WIPF3: variants seen among roughly 807,000 people sequenced by gnomAD.
WIPF3 encodes the protein WAS/WASL-interacting protein family member 3.
A neutral mutation model predicts 38.9 loss-of-function variants in WIPF3; 33 were observed. That is an observed-to-expected ratio of 0.85 (90% CI 0.64 to 1.14). WIPF3 has a LOEUF of 1.14. Among genes scored for constraint, WIPF3 ranks in the 50% most tolerant of loss-of-function variants. The pLI, the probability that WIPF3 is intolerant of heterozygous loss-of-function variation, is 0.00. For synonymous variants in WIPF3, 324 were observed against 269.3 expected, an observed-to-expected ratio of 1.20 and a Z score of -1.99; for missense variants, 711 against 652.5, an observed-to-expected ratio of 1.09 and a Z score of -0.98.
At chr7:29,903,166 C>T (rs937332433) in intron 7 of WIPF3, among the ~76,000 whole-genome samples, 3 of 152,028 alleles carry the variant, frequency 2.0e-5, no homozygotes, top group African/African-American at 7.3e-5. Context: ...TGGTGATGCA[C>T]ACCTGTGATC....
chr7:29,884,381 T>G lies in WIPF3; in HGVS notation c.887T>G (p.Leu296Arg). The change falls in exon 5 of 9, where the codon CTC becomes CGC. Residue 296 changes from leucine to arginine, a missense_variant. By Grantham distance (102) the Leu-to-Arg change is moderately radical. Transcript: ENST00000242140. ...GAGCCTCCCGCCCCGCCGCCCCCGC[T>G]CCCCCCTTATGCTTCTTGCTCCCCG... Reference protein sequence around the residue: ...AQEPPAPPPPLPPYASCSPRA... With the variant: ...AQEPPAPPPPRPPYASCSPRA... 4.2e-4 allele frequency: 160 copies of G among 381,620 alleles called. No individual in the cohort carries two copies. The highest frequency in any genetic ancestry group is 6.4e-4 in the African/African-American group (5 of 7,832). The allele number at this position is 381,620 out of a possible 1,614,324, so 23.6% of individuals were successfully genotyped here.
intron 8 of WIPF3, chr7:29,905,066 C>T (rs1786366135): frequency 6.6e-6 from 1 of 152,194 alleles, no homozygotes; most frequent in Admixed American, 6.5e-5. Flanking sequence ...ACTACAGAGT[C>T]ACTTGCAGTT....
At chr7:29,841,314 AC>A (rs1294082733) in intron 2 of WIPF3, among the ~76,000 whole-genome samples, 5 of 152,066 alleles carry the variant, frequency 3.3e-5, no homozygotes, top group Admixed American at 2.0e-4. Flanking sequence ...CTCTCCCCTC[AC>A]CCCTTCTTGC....
chr7:29,827,626 G>C (rs2128064064), intron 1 of WIPF3, among the ~76,000 whole-genome samples: 1 of 152,120 alleles, frequency 6.6e-6, no homozygotes, highest in African/African-American at 2.4e-5. Flanking sequence ...GGGTTTATTA[G>C]CCTTCATTGG....
At chr7:29,913,613 A>G (rs1288017414) in intron 8 of WIPF3, among the ~76,000 whole-genome samples, 2 of 152,274 alleles carry the variant, frequency 1.3e-5, no homozygotes, top group East Asian at 3.9e-4. Flanking sequence ...CATATGTTAT[A>G]TCATCTAATC....
In WIPF3 at chr7:29,884,271, C is replaced by T. The variant is rs1487141884; in HGVS notation, c.777C>T (p.Pro259=). ...AGCTGGCTCCCTTGCACCTCCCGCCCATCCCGCCCCCGCTCCCTCTGCTCC... is the reference window on the plus strand; with the variant it reads ...AGCTGGCTCCCTTGCACCTCCCGCCTATCCCGCCCCCGCTCCCTCTGCTCC... ...KPQLAPLHLP[P]IPPPLPLLPP... is the part of the protein sequence containing the mutation. Residue 259 remains proline (P), a synonymous_variant, in exon 5 of 9, where the codon CCC becomes CCT. Coordinates refer to ENST00000242140, the MANE Select transcript of WIPF3 (RefSeq NM_001080529.3). 8.7e-6 allele frequency: 13 copies of T among 1,487,764 alleles called. No homozygotes were observed. The highest frequency in any genetic ancestry group is 2.1e-4 in the Middle Eastern group (1 of 4,842). The allele number at this position is 1,487,764 out of a possible 1,614,324, so 92.2% of individuals were successfully genotyped here.
intron 1 of WIPF3, among the ~76,000 whole-genome samples, chr7:29,822,152 A>G (rs1295284015): frequency 4.2e-5 from 2 of 47,432 alleles, no homozygotes; most frequent in Non-Finnish European, 8.1e-5. Context: ...TTTGGTATAG[A>G]TCTTATACTG....
chr7:29,906,613 ACT>A (rs573712090), intron 8 of WIPF3, among the ~76,000 whole-genome samples: 9 of 152,142 alleles, frequency 5.9e-5, no homozygotes, highest in Non-Finnish European at 1.3e-4. Context: ...GGTAAAAAAG[ACT>A]CTCTGAAGAA....
chr7:29,824,802 T>C (rs2128063498), intron 1 of WIPF3, among the ~76,000 whole-genome samples: 1 of 152,222 alleles, frequency 6.6e-6, no homozygotes, highest in East Asian at 1.9e-4. Context: ...GCCTGGTAGC[T>C]GAGATGAGGG....
chr7:29,811,254 TATGATG>T (rs60111327), intron 1 of WIPF3, among the ~76,000 whole-genome samples: 123 of 149,086 alleles, frequency 8.3e-4, no homozygotes, highest in African/African-American at 1.1e-3. Context: ...AATTAGCCAT[TATGATG>T]ATGATGATGA....
intron 7 of WIPF3, among the ~76,000 whole-genome samples, chr7:29,901,413 A>C: frequency 7.3e-6 from 1 of 137,282 alleles, no homozygotes; most frequent in East Asian, 2.1e-4. Context: ...TTTTTTTTAC[A>C]AGACAGAGTT....
At chr7:29,888,488 T>A (rs62457634) in intron 6 of WIPF3, among the ~76,000 whole-genome samples, 52 of 138,752 alleles carry the variant, frequency 3.7e-4, no homozygotes, top group Admixed American at 4.2e-4. Context: ...TGTGTGAGTG[T>A]GTGTGCGTGT....
chr7:29,818,855 G>A (rs1478464491), intron 1 of WIPF3, among the ~76,000 whole-genome samples: 1 of 152,118 alleles, frequency 6.6e-6, no homozygotes, highest in Non-Finnish European at 1.5e-5. Flanking sequence ...ATATTTAGAG[G>A]CAGCTATGGA....
chr7:29,836,440 T>C (rs1416865379), intron 2 of WIPF3, among the ~76,000 whole-genome samples: 2 of 152,220 alleles, frequency 1.3e-5, no homozygotes, highest in African/African-American at 4.8e-5. Context: ...AACAGGTCTT[T>C]CTGGAGTGTT....
chr7:29,901,230 T>C (rs1438815274), intron 7 of WIPF3, among the ~76,000 whole-genome samples: 1 of 152,118 alleles, frequency 6.6e-6, no homozygotes, highest in East Asian at 1.9e-4. Flanking sequence ...AGGGAGCCCA[T>C]GTGAAGGACT....
At chr7:29,818,388 G>C (rs1784487483) in intron 1 of WIPF3, among the ~76,000 whole-genome samples, 1 of 151,810 alleles carries the variant, frequency 6.6e-6, no homozygotes, top group Non-Finnish European at 1.5e-5. Flanking sequence ...GGGAGATGGA[G>C]GTTGCAATGA....
intron 2 of WIPF3, among the ~76,000 whole-genome samples, chr7:29,838,472 A>G (rs771342336): frequency 2.0e-5 from 3 of 152,312 alleles, no homozygotes; most frequent in Admixed American, 1.3e-4. Flanking sequence ...AACCAAAAAG[A>G]AAGAAACAAA....
At chr7:29,827,602 T>C (rs1784639673) in intron 1 of WIPF3, among the ~76,000 whole-genome samples, 1 of 152,056 alleles carries the variant, frequency 6.6e-6, no homozygotes, top group Non-Finnish European at 1.5e-5. Context: ...ATGTGAGATA[T>C]ATATTGCGTC....
At position 29,888,089 on chromosome 7, in the gene WIPF3, A is replaced by G. The variant is rs1393271545; in HGVS notation, c.1121A>G (p.Asn374Ser). The stretch of plus-strand genomic sequence containing the variant: ...TAAGGGGCCGGTGGGGGAAAGCTAA[A>G]TCCACCTCCAGCACCCCCTGCGAGA... Reference protein sequence around the residue: ...GRPGAGGGKLNPPPAPPARSP... With the variant: ...GRPGAGGGKLSPPPAPPARSP... The change falls in exon 6 of 9, where the codon AAT becomes AGT. Residue 374 changes from asparagine (N) to serine (S), a missense_variant. Asn to Ser is a conservative substitution (Grantham distance 46). Coordinates refer to ENST00000242140, the MANE Select transcript of WIPF3 (RefSeq NM_001080529.3). The G allele has an allele frequency of 6.2e-7, 1 of 1,613,800 alleles. No individual in the cohort carries two copies. Among genetic ancestry groups the G allele is most frequent in the African/African-American group, 1.3e-5 (1 of 74,914 alleles).
Sources: allele counts gnomAD v4.1 joint callset (sites outside exome capture counted in the v4.1 genomes callset), GRCh38; gene constraint gnomAD v4.1.1; transcripts MANE v1.5; gene names NCBI Gene and HGNC (gene_info 2026-07-23, HGNC 2026-07-21).